CNTNAP2: variants seen among roughly 807,000 people sequenced by gnomAD.
CNTNAP2 encodes contactin-associated protein-like 2.
CNTNAP2 carries 98 observed loss-of-function variants against 155.2 expected under a neutral mutation model. The observed-to-expected ratio is 0.63, with a 90% CI of 0.54 to 0.75. CNTNAP2 has a LOEUF of 0.75. Ranked by LOEUF, CNTNAP2 falls within the 30% of genes least tolerant of loss-of-function variation. The pLI, the probability that CNTNAP2 is intolerant of heterozygous loss-of-function variation, is 0.00. For missense variants in CNTNAP2, 1,727 were observed against 1,688.1 expected (o/e 1.02, Z -0.40); for synonymous variants, 651 against 631.2 (o/e 1.03, Z -0.47).
In CNTNAP2 at chr7:148,196,232, T is replaced by C. The variant is rs1053799649; in HGVS notation, c.3011-21056T>C. ...TCAAAAAAGAAATTCCCTGAAAAAT[T>C]TTTTTGACTGTCAAGACTCAGCATG... On this transcript the variant is annotated intron_variant, in intron 18 of 23. Coordinates refer to ENST00000361727, the MANE Select transcript of CNTNAP2 (RefSeq NM_014141.6). Among the ~76,000 whole-genome samples, 43 of 152,276 alleles carry C rather than the reference T, an allele frequency of 2.8e-4. 1 individual carries two copies. Among genetic ancestry groups the C allele is most frequent in the Non-Finnish European group, 1.0e-4 (7 of 68,030 alleles).
chr7:148,399,942 AAGTC>A (rs748696792), intron 22 of CNTNAP2, among the ~76,000 whole-genome samples: 5 of 152,288 alleles, frequency 3.3e-5, no homozygotes, highest in East Asian at 1.9e-4. Flanking sequence ...CTGCAACTGA[AAGTC>A]AGGCAGGTAT....
intron 15 of CNTNAP2, among the ~76,000 whole-genome samples, chr7:148,010,937 A>G (rs1281659531): frequency 2.6e-5 from 4 of 152,138 alleles, no homozygotes; most frequent in African/African-American, 9.7e-5. Context: ...TTTAGTCTAC[A>G]GTGTTGATTT....
At chr7:146,273,771 C>G (rs1275010512) in intron 1 of CNTNAP2, among the ~76,000 whole-genome samples, 1 of 152,094 alleles carries the variant, frequency 6.6e-6, no homozygotes, top group Non-Finnish European at 1.5e-5. Flanking sequence ...AAGGACGACC[C>G]TTTTACTTGT....
intron 15 of CNTNAP2, among the ~76,000 whole-genome samples, chr7:148,107,908 C>A (rs1804259123): frequency 1.3e-5 from 2 of 152,206 alleles, no homozygotes; most frequent in African/African-American, 4.8e-5. Context: ...ATTTGGTGAC[C>A]TGAGGAAATC....
chr7:148,078,569 C>A (rs752545443), intron 15 of CNTNAP2, among the ~76,000 whole-genome samples: 2 of 152,132 alleles, frequency 1.3e-5, no homozygotes, highest in Non-Finnish European at 2.9e-5. Context: ...CAACTTCCAC[C>A]TCCCAGGTTC....
intron 13 of CNTNAP2, among the ~76,000 whole-genome samples, chr7:147,763,690 A>T (rs1797343013): frequency 6.6e-6 from 1 of 152,204 alleles, no homozygotes; most frequent in Non-Finnish European, 1.5e-5. Context: ...AGGGCAAGCC[A>T]AGCCCTTCTT....
At chr7:147,786,193 A>G (rs1797736504) in intron 13 of CNTNAP2, among the ~76,000 whole-genome samples, 1 of 152,238 alleles carries the variant, frequency 6.6e-6, no homozygotes, top group Non-Finnish European at 1.5e-5. Flanking sequence ...GAATCACTTG[A>G]ACCCAGAGGT....
chr7:148,364,785 T>G (rs1242308437), intron 21 of CNTNAP2, among the ~76,000 whole-genome samples: 7 of 152,328 alleles, frequency 4.6e-5, no homozygotes, highest in Non-Finnish European at 1.5e-5. Flanking sequence ...AAAAGCAGGC[T>G]GCCCGAGCCA....
At chr7:147,619,734 A>G (rs1300470208) in intron 12 of CNTNAP2, among the ~76,000 whole-genome samples, 2 of 152,268 alleles carry the variant, frequency 1.3e-5, no homozygotes, top group East Asian at 3.9e-4. Context: ...CTCTGGACCT[A>G]CCTGGGACCT....
At chr7:148,104,076 A>G (rs1359495862) in intron 15 of CNTNAP2, among the ~76,000 whole-genome samples, 1 of 152,172 alleles carries the variant, frequency 6.6e-6, no homozygotes, top group African/African-American at 2.4e-5. Flanking sequence ...AAATAAAGAA[A>G]CTGAGGTCTT....
intron 13 of CNTNAP2, among the ~76,000 whole-genome samples, chr7:147,896,483 G>C (rs565654492): frequency 6.6e-6 from 1 of 152,258 alleles, no homozygotes; most frequent in Non-Finnish European, 1.5e-5. Flanking sequence ...CAAGCATTTG[G>C]GGATCAGAGT....
chr7:147,937,636 G>A (rs1800635239), intron 14 of CNTNAP2, among the ~76,000 whole-genome samples: 1 of 152,056 alleles, frequency 6.6e-6, no homozygotes, highest in South Asian at 2.1e-4. Flanking sequence ...ATAGTTCCTG[G>A]AGCAGACTCC....
At chr7:147,373,730 A>G (rs774084215) in intron 9 of CNTNAP2, among the ~76,000 whole-genome samples, 18 of 151,980 alleles carry the variant, frequency 1.2e-4, no homozygotes, top group Non-Finnish European at 2.1e-4. Flanking sequence ...ACCACTGAGA[A>G]CCAGAGCAGG....
In CNTNAP2 at chr7:148,349,526, C is replaced by T. The variant is rs1402730345; in HGVS notation, c.3476-34123C>T. ...ACGCCATTCTCCTGCCTCAGTCTCC[C>T]GAGTAGCTGGGACTACAGGCACCCG... On this transcript the variant is annotated intron_variant, in intron 21 of 23. Coordinates refer to ENST00000361727, the MANE Select transcript of CNTNAP2 (RefSeq NM_014141.6). Among the ~76,000 whole-genome samples, 3 of 151,490 alleles carry T rather than the reference C, an allele frequency of 2.0e-5. No individual in the cohort carries two copies. In the East Asian group the frequency reaches 5.8e-4, roughly 30 times the overall value.
At chr7:148,099,588 C>T in intron 15 of CNTNAP2, among the ~76,000 whole-genome samples, 1 of 152,018 alleles carries the variant, frequency 6.6e-6, no homozygotes, top group African/African-American at 2.4e-5. Context: ...CCAATGGCTG[C>T]AGTGTTGGTC....
intron 14 of CNTNAP2, among the ~76,000 whole-genome samples, chr7:147,920,722 C>T (rs1432333736): frequency 6.6e-6 from 1 of 151,910 alleles, no homozygotes; most frequent in Non-Finnish European, 1.5e-5. Flanking sequence ...AAGTCATATG[C>T]CTCCTGCTGA....
chr7:148,265,058 G>T (rs1393138584), intron 20 of CNTNAP2, among the ~76,000 whole-genome samples: 4 of 152,168 alleles, frequency 2.6e-5, no homozygotes, highest in Non-Finnish European at 5.9e-5. Context: ...GCATTGCCAG[G>T]TAGGCTATTG....
chr7:147,426,427 G>A (rs1033668786), intron 10 of CNTNAP2, among the ~76,000 whole-genome samples: 8 of 152,180 alleles, frequency 5.3e-5, no homozygotes, highest in Non-Finnish European at 7.4e-5. Flanking sequence ...TTCTCTGACC[G>A]TGGATCTCAG....
chr7:148,361,903 A>T (rs999151742), intron 21 of CNTNAP2, among the ~76,000 whole-genome samples: 12 of 152,244 alleles, frequency 7.9e-5, no homozygotes, highest in African/African-American at 2.6e-4. Context: ...TTATAAAACC[A>T]TCAGATCGGC....
Sources: allele counts gnomAD v4.1 joint callset (sites outside exome capture counted in the v4.1 genomes callset), GRCh38; gene constraint gnomAD v4.1.1; transcripts MANE v1.5; gene names NCBI Gene and HGNC (gene_info 2026-07-23, HGNC 2026-07-21).